The following LHFPL6 variants were observed in gnomAD, a reference collection of about 807,000 sequenced individuals.
The protein encoded by LHFPL6 is LHFPL tetraspan subfamily member 6.
Under a neutral mutation model 20.6 loss-of-function variants are expected in LHFPL6, and 9 were observed. The ratio of observed to expected loss-of-function variants is 0.44; its 90% CI spans 0.26 to 0.76. LHFPL6 has a LOEUF of 0.76. Ranked by LOEUF, LHFPL6 falls within the 30% of genes least tolerant of loss-of-function variation. LHFPL6 has a pLI of 0.20. For synonymous variants in LHFPL6, 105 were observed against 98.7 expected, an observed-to-expected ratio of 1.06 and a Z score of -0.38; for missense variants, 218 against 253.5, an observed-to-expected ratio of 0.86 and a Z score of 0.95.
intron 2 of LHFPL6, among the ~76,000 whole-genome samples, chr13:39,560,744 T>C (rs1349705227): frequency 6.6e-6 from 1 of 152,144 alleles, no homozygotes; most frequent in Admixed American, 6.5e-5. Flanking sequence ...CTCTATCTCC[T>C]GACCTCATGA....
chr13:39,530,474 C>T (rs1386888278), intron 2 of LHFPL6, among the ~76,000 whole-genome samples: 3 of 151,860 alleles, frequency 2.0e-5, no homozygotes, highest in Non-Finnish European at 2.9e-5. Flanking sequence ...GTTCTGTTAC[C>T]GGAGAGTTTC....
intron 2 of LHFPL6, among the ~76,000 whole-genome samples, chr13:39,392,973 C>T (rs1870748578): frequency 6.6e-6 from 1 of 152,016 alleles, no homozygotes. Flanking sequence ...GTTATTATTC[C>T]CTAAACAATA....
At chr13:39,390,096 C>T (rs1870666852) in intron 2 of LHFPL6, among the ~76,000 whole-genome samples, 2 of 152,054 alleles carry the variant, frequency 1.3e-5, no homozygotes, top group African/African-American at 4.8e-5. Context: ...TTACATATTT[C>T]TAAGGGTCTT....
chr13:39,512,925 G>A (rs1298144797), intron 2 of LHFPL6, among the ~76,000 whole-genome samples: 1 of 152,218 alleles, frequency 6.6e-6, no homozygotes, highest in African/African-American at 2.4e-5. Flanking sequence ...AGGCACGCGC[G>A]ACACTGTCTG....
chr13:39,527,160 G>A (rs1156451627), intron 2 of LHFPL6, among the ~76,000 whole-genome samples: 2 of 152,114 alleles, frequency 1.3e-5, no homozygotes. Flanking sequence ...AGGTTAAAGG[G>A]CGTTTATGTT....
intron 3 of LHFPL6, among the ~76,000 whole-genome samples, chr13:39,353,978 A>G (rs544078294): frequency 3.3e-5 from 5 of 152,316 alleles, no homozygotes; most frequent in African/African-American, 9.6e-5. Context: ...CACAAATCCC[A>G]TGCATTGAGT....
At chr13:39,513,353 T>C (rs1471283774) in intron 2 of LHFPL6, among the ~76,000 whole-genome samples, 1 of 152,236 alleles carries the variant, frequency 6.6e-6, no homozygotes, top group Non-Finnish European at 1.5e-5. Context: ...TCAGCCTTCA[T>C]CTCTTATACT....
chr13:39,472,703 G>A (rs1386245533), intron 2 of LHFPL6, among the ~76,000 whole-genome samples: 1 of 151,934 alleles, frequency 6.6e-6, no homozygotes, highest in Non-Finnish European at 1.5e-5. Flanking sequence ...CCGCCTCCTG[G>A]GTTCAAGTGA....
chr13:39,452,677 C>T (rs971213707), intron 2 of LHFPL6, among the ~76,000 whole-genome samples: 2 of 152,264 alleles, frequency 1.3e-5, no homozygotes, highest in Non-Finnish European at 2.9e-5. Flanking sequence ...CTTCTGCTGC[C>T]TCATTCAAAC....
intron 2 of LHFPL6, among the ~76,000 whole-genome samples, chr13:39,584,749 A>T (rs1407501371): frequency 6.6e-6 from 1 of 152,058 alleles, no homozygotes; most frequent in East Asian, 1.9e-4. Flanking sequence ...CCAAGTAAGA[A>T]GGGCAAAACA....
chr13:39,573,085 C>T (rs549930718), intron 2 of LHFPL6, among the ~76,000 whole-genome samples: 4 of 152,184 alleles, frequency 2.6e-5, no homozygotes, highest in Admixed American at 2.6e-4. Context: ...TAGCCAATGC[C>T]GTAACTTCTA....
At position 39,562,695 on chromosome 13, in the gene LHFPL6, C is replaced by CACATATAT. The variant is rs765672489; in HGVS notation, c.385+38136_385+38137insATATATGT. Among the ~76,000 whole-genome samples, 31 of 146,466 alleles carry CACATATAT rather than the reference C, an allele frequency of 2.1e-4. No homozygotes were observed. In the South Asian group the frequency reaches 2.1e-3, roughly 10 times the overall value. On this transcript the variant is annotated intron_variant, in intron 2 of 3. Coordinates refer to ENST00000379589, the MANE Select transcript of LHFPL6 (RefSeq NM_005780.3). ...ACACATATATACACACACACACACA[C>CACATATAT]ATATATATATATACACACACACACT...
At chr13:39,593,145 T>C (rs1872663128) in intron 2 of LHFPL6, among the ~76,000 whole-genome samples, 1 of 152,102 alleles carries the variant, frequency 6.6e-6, no homozygotes, top group Non-Finnish European at 1.5e-5. Context: ...GAGAAGGAAA[T>C]AAAGGGTATT....
At position 39,355,927 on chromosome 13, in the gene LHFPL6, C is replaced by A. The variant is rs538987175; in HGVS notation, c.485-11873G>T. ...CCATGAAAAGATTTAGACAGTCACA[C>A]AAAAATAGTGAGGGGTTTCAAGATC... On this transcript the variant is annotated intron_variant, in intron 3 of 3. Coordinates refer to ENST00000379589, the MANE Select transcript of LHFPL6 (RefSeq NM_005780.3). Among the ~76,000 whole-genome samples, 4 of 152,226 alleles carry A rather than the reference C, an allele frequency of 2.6e-5. No individual in the cohort carries two copies. In the South Asian group the frequency reaches 6.2e-4, roughly 24 times the overall value.
At chr13:39,549,131 T>C (rs1292963499) in intron 2 of LHFPL6, among the ~76,000 whole-genome samples, 1 of 152,126 alleles carries the variant, frequency 6.6e-6, no homozygotes, top group South Asian at 2.1e-4. Context: ...AGAAGATGGA[T>C]GGATGGCAAA....
At chr13:39,414,437 A>C (rs1267259769) in intron 2 of LHFPL6, among the ~76,000 whole-genome samples, 1 of 152,138 alleles carries the variant, frequency 6.6e-6, no homozygotes, top group Non-Finnish European at 1.5e-5. Context: ...TTTTTCAGGA[A>C]ATTTATTTTA....
At chr13:39,462,460 C>T (rs1466662154) in intron 2 of LHFPL6, among the ~76,000 whole-genome samples, 2 of 152,338 alleles carry the variant, frequency 1.3e-5, no homozygotes, top group African/African-American at 2.4e-5. Flanking sequence ...TAATCTCTCA[C>T]TCACATAATT....
intron 2 of LHFPL6, among the ~76,000 whole-genome samples, chr13:39,433,189 G>C (rs1488819647): frequency 6.6e-5 from 10 of 152,162 alleles, no homozygotes; most frequent in African/African-American, 2.4e-4. Context: ...TCAGTGAGTT[G>C]TTAAGAAACA....
intron 2 of LHFPL6, among the ~76,000 whole-genome samples, chr13:39,464,729 G>A (rs1225065241): frequency 7.2e-6 from 1 of 139,576 alleles, no homozygotes; most frequent in Non-Finnish European, 1.5e-5. Flanking sequence ...CTGACCTAAC[G>A]TCTTGACTTG....
Sources: gnomAD v4.1 joint callset for allele counts (sites outside exome capture counted in the v4.1 genomes callset) on GRCh38, gnomAD v4.1.1 for gene constraint, MANE v1.5 for transcripts, NCBI Gene and HGNC (gene_info 2026-07-23, HGNC 2026-07-21) for gene names.